The following CSMD1 variants were observed in gnomAD, a reference collection of about 807,000 sequenced individuals.
CSMD1 encodes the protein CUB and Sushi multiple domains 1.
CSMD1 carries 213 observed loss-of-function variants against 417.5 expected under a neutral mutation model. The ratio of observed to expected loss-of-function variants is 0.51; its 90% confidence interval spans 0.46 to 0.57. The LOEUF (loss-of-function observed/expected upper bound fraction) is 0.57, where lower values mean the gene tolerates loss of function less well. Ranked by LOEUF, CSMD1 falls within the 20% of genes least tolerant of loss-of-function variation. The pLI, the probability that CSMD1 is intolerant of heterozygous loss-of-function variation, is 0.00. For synonymous variants in CSMD1, 2,862 were observed against 1,736.8 expected, an observed-to-expected ratio of 1.65 and a Z score of -16.11; for missense variants, 6,923 against 4,529.7, an observed-to-expected ratio of 1.53 and a Z score of -15.17.
intron 7 of CSMD1, among the ~76,000 whole-genome samples, chr8:3,617,538 G>C (rs975558036): frequency 1.3e-5 from 2 of 152,082 alleles, no homozygotes; most frequent in African/African-American, 2.4e-5. Flanking sequence ...GAGATGTGAG[G>C]GGAAGTCCAC....
intron 10 of CSMD1, among the ~76,000 whole-genome samples, chr8:3,506,978 G>C (rs1385140030): frequency 1.9e-4 from 29 of 152,092 alleles, no homozygotes; most frequent in Admixed American, 1.8e-3. Context: ...GCTTATCTTT[G>C]ATATAGAGTT....
In CSMD1 at chr8:3,652,984, T is replaced by C. The variant is rs181172008; in HGVS notation, c.1010-36187A>G. On this transcript the variant is annotated intron_variant, in intron 7 of 69. Coordinates refer to ENST00000635120, the MANE Select transcript of CSMD1 (RefSeq NM_033225.6). The stretch of plus-strand genomic sequence containing the variant: ...TGACTGCTTTCAAGTATAATTAGCA[T>C]TGTCTGCACTATTAATGCCACTCAA... 6.6e-5 allele frequency among the ~76,000 whole-genome samples: 10 copies of C among 152,242 alleles called. No homozygotes were observed. In the East Asian group the frequency reaches 1.7e-3, roughly 27 times the overall value.
chr8:4,406,692 G>C (rs548436288), intron 3 of CSMD1, among the ~76,000 whole-genome samples: 4 of 152,212 alleles, frequency 2.6e-5, no homozygotes, highest in South Asian at 4.1e-4. Context: ...ACTACACAAA[G>C]AAAACTTTCA....
chr8:3,356,401 G>A (rs991820376), intron 21 of CSMD1, among the ~76,000 whole-genome samples: 2 of 152,238 alleles, frequency 1.3e-5, no homozygotes, highest in African/African-American at 4.8e-5. Flanking sequence ...TTGAGGCCGG[G>A]CACTGTGGCT....
Position 3,091,554 on chromosome 8 carries a change from T to A in CSMD1, c.7247A>T (p.His2416Leu), listed in dbSNP as rs1213775902. 2.5e-6 allele frequency: 4 copies of A among 1,608,722 alleles called. No homozygotes were observed. The East Asian group carries it at 6.7e-5, about 27-fold the overall frequency. Reference protein sequence around the residue: ...NQLYLRWSTDHATSKKGFKIR... With the variant: ...NQLYLRWSTDLATSKKGFKIR... ...CTTGAATCCTTTCTTACTGGTGGCATGGTCAGTGGACCAGCGGAGATATAA... is the reference window on the plus strand; with the variant it reads ...CTTGAATCCTTTCTTACTGGTGGCAAGGTCAGTGGACCAGCGGAGATATAA... The change falls in exon 48 of 70, where the codon CAT (histidine) becomes CTT (leucine). Residue 2416 changes from histidine (H) to leucine (L), a missense_variant. His to Leu is a moderately conservative substitution (Grantham distance 99). Transcript: ENST00000635120.
At chr8:4,072,596 G>A (rs1357813492) in intron 3 of CSMD1, among the ~76,000 whole-genome samples, 2 of 152,146 alleles carry the variant, frequency 1.3e-5, no homozygotes, top group African/African-American at 2.4e-5. Flanking sequence ...GTGGTTGTAT[G>A]TGTTTGTGTT....
Position 4,726,309 on chromosome 8 carries a change from G to T in CSMD1, c.86-88751C>A, listed in dbSNP as rs534012651. 6.0e-5 allele frequency among the ~76,000 whole-genome samples: 9 copies of T among 150,172 alleles called. No individual in the cohort carries two copies. The South Asian group carries it at 1.7e-3, about 28-fold the overall frequency. On this transcript the variant is annotated intron_variant, in intron 1 of 69. Coordinates refer to ENST00000635120, the MANE Select transcript of CSMD1 (RefSeq NM_033225.6). ...GTAATGGCGACTAAGTGGGTAGCGG[G>T]TTCTTTAAAAAAAAAAAAAGCTTTT...
At chr8:4,742,636 T>C (rs1810699426) in intron 1 of CSMD1, among the ~76,000 whole-genome samples, 1 of 152,188 alleles carries the variant, frequency 6.6e-6, no homozygotes, top group African/African-American at 2.4e-5. Context: ...CTATTATGCT[T>C]GGAATCCAAA....
At chr8:3,046,732 C>G (rs1318941445) in intron 50 of CSMD1, among the ~76,000 whole-genome samples, 1 of 152,192 alleles carries the variant, frequency 6.6e-6, no homozygotes, top group Admixed American at 6.5e-5. Flanking sequence ...CAGCTGAAGA[C>G]TTCCAACACT....
At chr8:4,941,623 G>A (rs1321542179) in intron 1 of CSMD1, among the ~76,000 whole-genome samples, 3 of 148,766 alleles carry the variant, frequency 2.0e-5, no homozygotes, top group African/African-American at 7.4e-5. Context: ...TTTTGAGACA[G>A]AGCCTTGCAC....
At chr8:4,097,201 G>C (rs1433277256) in intron 3 of CSMD1, among the ~76,000 whole-genome samples, 1 of 152,140 alleles carries the variant, frequency 6.6e-6, no homozygotes, top group African/African-American at 2.4e-5. Flanking sequence ...CTGATTGAAT[G>C]AATCAAGTAG....
Position 3,162,222 on chromosome 8 carries a change from G to A in CSMD1, c.5781C>T (p.Ile1927=), listed in dbSNP as rs35444669. ...CGTCGTTCACCATGTACCGATCTCC[G>A]ATTTTGATGCTGTTGCTGGGGAGGG... ...EPALPSNSIK[I]GDRYMVNDVL... The change falls in exon 38 of 70, where the codon ATC becomes ATT. Residue 1927 remains isoleucine, a synonymous_variant. Coordinates refer to ENST00000635120, the MANE Select transcript of CSMD1 (RefSeq NM_033225.6). The A allele has an allele frequency of 4.9e-5, 79 of 1,611,642 alleles. No homozygotes were observed. The highest frequency in any genetic ancestry group is 1.7e-4 in the Middle Eastern group (1 of 6,060).
At chr8:4,118,564 T>C (rs1585352344) in intron 3 of CSMD1, among the ~76,000 whole-genome samples, 1 of 152,236 alleles carries the variant, frequency 6.6e-6, no homozygotes, top group African/African-American at 2.4e-5. Context: ...CCAGTAAAAA[T>C]GGCGATCATG....
intron 5 of CSMD1, among the ~76,000 whole-genome samples, chr8:3,769,424 A>T (rs75227380): frequency 0.017 from 2,588 of 151,720 alleles, 110 homozygotes; most frequent in African/African-American, 0.058. Context: ...TGTCAGATAC[A>T]TCCAATTCCA....
chr8:3,963,242 G>C (rs1025166029), intron 5 of CSMD1, among the ~76,000 whole-genome samples: 1 of 152,060 alleles, frequency 6.6e-6, no homozygotes, highest in African/African-American at 2.4e-5. Context: ...TCAGTGTTTT[G>C]AATATTGTAA....
intron 1 of CSMD1, among the ~76,000 whole-genome samples, chr8:4,814,419 T>C (rs954422108): frequency 6.6e-6 from 1 of 152,138 alleles, no homozygotes; most frequent in East Asian, 1.9e-4. Context: ...CTAATTTTTG[T>C]TATTTTTAGT....
At chr8:3,619,249 C>G (rs1408794139) in intron 7 of CSMD1, among the ~76,000 whole-genome samples, 4 of 152,088 alleles carry the variant, frequency 2.6e-5, no homozygotes, top group Admixed American at 6.6e-5. Context: ...CATGTACCCC[C>G]CAAAAACGTG....
At chr8:3,801,547 T>G (rs1170488130) in intron 5 of CSMD1, among the ~76,000 whole-genome samples, 1 of 152,110 alleles carries the variant, frequency 6.6e-6, no homozygotes, top group African/African-American at 2.4e-5. Flanking sequence ...AGAGATATGC[T>G]GGAAGACAGT....
chr8:3,086,048 G>T (rs1261093233), intron 49 of CSMD1, among the ~76,000 whole-genome samples: 2 of 152,088 alleles, frequency 1.3e-5, no homozygotes, highest in African/African-American at 4.8e-5. Context: ...GTGCTAGTGG[G>T]GCACAGACCA....
Sources: allele counts gnomAD v4.1 joint callset (sites outside exome capture counted in the v4.1 genomes callset), GRCh38; gene constraint gnomAD v4.1.1; transcripts MANE v1.5; gene names NCBI Gene and HGNC (gene_info 2026-07-23, HGNC 2026-07-21).